The following MARCHF1 variants were observed in gnomAD, a reference collection of about 807,000 sequenced individuals.
MARCHF1 encodes membrane associated ring-CH-type finger 1.
A neutral mutation model predicts 54.2 loss-of-function variants in MARCHF1; 40 were observed. The observed-to-expected ratio is 0.74, with a 90% CI of 0.57 to 0.96. The LOEUF (loss-of-function observed/expected upper bound fraction) is 0.96. Among genes scored for constraint, MARCHF1 ranks in the 40% least tolerant of loss-of-function variants. The pLI is 0.00. For synonymous variants in MARCHF1, 236 were observed against 236.3 expected (o/e 1.00, Z 0.01); for missense variants, 586 against 656.5 (o/e 0.89, Z 1.17).
Position 164,031,441 on chromosome 4 carries a change from C to A in MARCHF1, c.-247-42732G>T, listed in dbSNP as rs200697636. On this transcript the variant is annotated intron_variant, in intron 2 of 9. Coordinates refer to ENST00000514618, the MANE Select transcript of MARCHF1 (RefSeq NM_001394959.1). ...TTATATTATTTTTTTTTCAAAAAAA[C>A]CATTCAGTATGATATTGGCTGTAGG... Among the ~76,000 whole-genome samples, 37 of 142,572 alleles carry A rather than the reference C, an allele frequency of 2.6e-4. 1 individual carries two copies. Among genetic ancestry groups the A allele is most frequent in the South Asian group, 1.6e-3 (7 of 4,326 alleles). The allele number at this position is 142,572 out of a possible 152,430, so 93.5% of individuals were successfully genotyped here. A position where few individuals can be genotyped will look rare whatever the true frequency, so the allele number is the denominator to read the frequency against.
intron 3 of MARCHF1, among the ~76,000 whole-genome samples, chr4:163,963,140 A>G (rs573568218): frequency 2.6e-5 from 4 of 151,892 alleles, no homozygotes; most frequent in Non-Finnish European, 5.9e-5. Context: ...ACAAGATACA[A>G]CTGATTTTTA....
Position 163,576,062 on chromosome 4 carries a change from G to GT in MARCHF1, c.1191+9686dup, listed in dbSNP as rs927130580. On this transcript the variant is annotated intron_variant, in intron 8 of 9. Coordinates refer to ENST00000514618, the MANE Select transcript of MARCHF1 (RefSeq NM_001394959.1). ...TTCATTTAGGTCTGCTCTAATTTTA[G>GT]TTTTTTTTCTTCTTCTAGCTTTAAG... Among the ~76,000 whole-genome samples the GT allele has an allele frequency of 1.6e-3, 246 of 151,300 alleles. 1 individual carries two copies. The highest frequency in any genetic ancestry group is 5.5e-3 in the African/African-American group (226 of 41,300).
chr4:164,075,201 G>A lies in MARCHF1; in HGVS notation c.-248+36387C>T, dbSNP rs141597157. ...ATAAATTTAATAGCATCACAGAACTGACAAGATAGTAAGAAATTATTGAGC... is the reference window on the plus strand; with the variant it reads ...ATAAATTTAATAGCATCACAGAACTAACAAGATAGTAAGAAATTATTGAGC... On this transcript the variant is annotated intron_variant, in intron 2 of 9. Coordinates refer to ENST00000514618, the MANE Select transcript of MARCHF1 (RefSeq NM_001394959.1). Among the ~76,000 whole-genome samples, 968 of 152,264 alleles carry A rather than the reference G, an allele frequency of 6.4e-3. 7 individuals carry two copies. The highest frequency in any genetic ancestry group is 0.022 in the African/African-American group (910 of 41,540).
At chr4:163,909,809 G>A (rs1205969969) in intron 3 of MARCHF1, among the ~76,000 whole-genome samples, 1 of 152,052 alleles carries the variant, frequency 6.6e-6, no homozygotes, top group Non-Finnish European at 1.5e-5. Flanking sequence ...CAGGCTATGG[G>A]CATAAATATA....
chr4:164,372,797 G>C (rs1218969904), intron 1 of MARCHF1, among the ~76,000 whole-genome samples: 3 of 151,698 alleles, frequency 2.0e-5, no homozygotes, highest in African/African-American at 7.3e-5. Context: ...AAAAATATAG[G>C]AAGAGAAAAA....
chr4:163,586,062 C>T, intron 7 of MARCHF1, 133 bp from the exon 8 acceptor site: 1 of 681,394 alleles, frequency 1.5e-6, no homozygotes, highest in Non-Finnish European at 2.3e-6. Flanking sequence ...CATTTTACTC[C>T]AACTTTGATG....
chr4:163,849,839 G>A lies in MARCHF1; in HGVS notation c.111+4182C>T, dbSNP rs528241015. Among the ~76,000 whole-genome samples the A allele has an allele frequency of 2.1e-3, 323 of 152,206 alleles. 1 individual carries two copies. Among genetic ancestry groups the A allele is most frequent in the African/African-American group, 7.5e-3 (311 of 41,530 alleles). The stretch of plus-strand genomic sequence containing the variant: ...GTGAGCAAAAGCAAACCTTTATCAT[G>A]TTAAGTCTGAAATGTCTGAGTTTAT... On this transcript the variant is annotated intron_variant, in intron 4 of 9. Coordinates refer to ENST00000514618, the MANE Select transcript of MARCHF1 (RefSeq NM_001394959.1).
intron 1 of MARCHF1, among the ~76,000 whole-genome samples, chr4:164,154,194 A>G (rs1383877151): frequency 6.6e-6 from 1 of 151,710 alleles, no homozygotes; most frequent in Non-Finnish European, 1.5e-5. Context: ...TGTAAAAAAT[A>G]TCTTGCCATT....
chr4:164,201,198 T>C (rs936797399), intron 1 of MARCHF1, among the ~76,000 whole-genome samples: 2 of 129,922 alleles, frequency 1.5e-5, no homozygotes, highest in African/African-American at 6.3e-5. Flanking sequence ...TTTACAGACA[T>C]GTTTTACATG....
At chr4:163,632,506 G>A (rs1051423909) in intron 5 of MARCHF1, among the ~76,000 whole-genome samples, 11 of 152,166 alleles carry the variant, frequency 7.2e-5, no homozygotes, top group African/African-American at 2.7e-4. Context: ...GGAAAATCGG[G>A]TCACTCCCAC....
Position 164,350,850 on chromosome 4 carries a change from A to G in MARCHF1, c.-323+33020T>C, listed in dbSNP as rs1259962843. ...TGATTTCTGCATTTCCATCTGAGGT[A>G]CCGCATTCATCTCACTAGGGAGTGC... is the stretch of plus-strand genomic sequence containing the variant. On this transcript the variant is annotated intron_variant, in intron 1 of 9. Coordinates refer to ENST00000514618, the MANE Select transcript of MARCHF1 (RefSeq NM_001394959.1). Among the ~76,000 whole-genome samples the G allele has an allele frequency of 2.6e-5, 4 of 151,668 alleles. No individual in the cohort carries two copies. In the East Asian group the frequency reaches 7.8e-4, roughly 30 times the overall value.
At chr4:163,913,650 G>A (rs932434164) in intron 3 of MARCHF1, among the ~76,000 whole-genome samples, 1 of 152,156 alleles carries the variant, frequency 6.6e-6, no homozygotes, top group African/African-American at 2.4e-5. Context: ...TTCGTGTAAA[G>A]AGGAAGATAA....
rs550567398 is a variant in MARCHF1, at chr4:163,605,734, G to A, written c.1010+6537C>T. On this transcript the variant is annotated intron_variant, in intron 7 of 9. Coordinates refer to ENST00000514618, the MANE Select transcript of MARCHF1 (RefSeq NM_001394959.1). ...TGAAATATTATGCAGCCATAAAAAAGGATGAGTTCACGTCCTTAGCAGGGA... is the reference window on the plus strand; with the variant it reads ...TGAAATATTATGCAGCCATAAAAAAAGATGAGTTCACGTCCTTAGCAGGGA... Among the ~76,000 whole-genome samples the A allele has an allele frequency of 4.1e-4, 62 of 152,232 alleles. 1 individual carries two copies. Among genetic ancestry groups the A allele is most frequent in the Non-Finnish European group, 7.2e-4 (49 of 68,014 alleles).
chr4:163,717,118 G>T (rs886649149), intron 4 of MARCHF1, among the ~76,000 whole-genome samples: 2 of 149,358 alleles, frequency 1.3e-5, no homozygotes, highest in African/African-American at 4.9e-5. Flanking sequence ...TTAGCATTAG[G>T]TATATCTCCT....
intron 1 of MARCHF1, among the ~76,000 whole-genome samples, chr4:164,198,407 A>AT (rs1278721223): frequency 2.0e-5 from 3 of 152,180 alleles, no homozygotes; most frequent in Non-Finnish European, 4.4e-5. Context: ...GAGAGGAATA[A>AT]TTTTTTACTT....
At chr4:164,212,662 G>A (rs1209480568) in intron 1 of MARCHF1, among the ~76,000 whole-genome samples, 6 of 152,156 alleles carry the variant, frequency 3.9e-5, no homozygotes, top group Non-Finnish European at 8.8e-5. Flanking sequence ...TAGAAGATCA[G>A]ATAGCAAGAT....
At chr4:164,018,574 G>A (rs542810902) in intron 2 of MARCHF1, among the ~76,000 whole-genome samples, 32 of 152,000 alleles carry the variant, frequency 2.1e-4, no homozygotes, top group East Asian at 7.7e-4. Flanking sequence ...TAAGCATATC[G>A]AAAATGCCCA....
At chr4:164,143,453 A>G (rs1260100560) in intron 1 of MARCHF1, among the ~76,000 whole-genome samples, 2 of 151,060 alleles carry the variant, frequency 1.3e-5, no homozygotes, top group African/African-American at 4.9e-5. Flanking sequence ...AGGGAAGCCC[A>G]TCAGACTAAC....
chr4:163,916,335 G>A (rs1579389726), intron 3 of MARCHF1, among the ~76,000 whole-genome samples: 1 of 136,474 alleles, frequency 7.3e-6, no homozygotes, highest in Non-Finnish European at 1.6e-5. Context: ...CTAGATATAA[G>A]AGTGATGAAA....
Sources: gnomAD v4.1 joint callset for allele counts (sites outside exome capture counted in the v4.1 genomes callset) on GRCh38, gnomAD v4.1.1 for gene constraint, MANE v1.5 for transcripts, NCBI Gene and HGNC (gene_info 2026-07-23, HGNC 2026-07-21) for gene names.